Variants in PTH2R observed in about 807,000 individuals in gnomAD.
PTH2R encodes PTH2 receptor.
A neutral mutation model predicts 60.3 loss-of-function variants in PTH2R; 59 were observed. The ratio of observed to expected loss-of-function variants is 0.98; its 90% CI spans 0.79 to 1.22. The LOEUF is 1.22. PTH2R is among the 50% of genes most tolerant of loss of function. PTH2R has a pLI of 0.00. For synonymous variants in PTH2R, 256 were observed against 243.8 expected (o/e 1.05, Z -0.47); for missense variants, 749 against 682.6 (o/e 1.10, Z -1.08).
chr2:208,481,232 T>C, intron 10 of PTH2R, 68 bp downstream of exon 10: 1 of 1,194,344 alleles, frequency 8.4e-7, no homozygotes. Context: ...TTTTTTTTTT[T>C]TTTTGAGACA....
chr2:208,374,866 A>G (rs1457024595), intron 1 of PTH2R, among the ~76,000 whole-genome samples: 1 of 152,064 alleles, frequency 6.6e-6, no homozygotes, highest in African/African-American at 2.4e-5. Context: ...ATTCAATCAA[A>G]AAACATGCAT....
chr2:208,473,803 CA>C (rs1702936873), intron 9 of PTH2R, among the ~76,000 whole-genome samples: 1 of 152,074 alleles, frequency 6.6e-6, no homozygotes, highest in Non-Finnish European at 1.5e-5. Flanking sequence ...AGGTACCTTA[CA>C]ATCATTTAAA....
chr2:208,434,955 G>A (rs1327796345), intron 2 of PTH2R, among the ~76,000 whole-genome samples: 1 of 152,128 alleles, frequency 6.6e-6, no homozygotes, highest in Non-Finnish European at 1.5e-5. Flanking sequence ...GTAAAGCTCG[G>A]GCTTTTATTA....
At chr2:208,428,747 T>A (rs149683744) in intron 2 of PTH2R, among the ~76,000 whole-genome samples, 1 of 152,226 alleles carries the variant, frequency 6.6e-6, no homozygotes, top group Admixed American at 6.5e-5. Context: ...TTCTCAATTG[T>A]TTATGATCAG....
chr2:208,361,571 C>CAA (rs1700474372), intron 1 of PTH2R, among the ~76,000 whole-genome samples: 1 of 152,064 alleles, frequency 6.6e-6, no homozygotes, highest in Non-Finnish European at 1.5e-5. Flanking sequence ...TTTCATTTTG[C>CAA]AAAACTAAAT....
upstream of PTH2R, among the ~76,000 whole-genome samples, chr2:208,403,854 A>C (rs1325672909): frequency 6.6e-6 from 1 of 152,130 alleles, no homozygotes; most frequent in East Asian, 1.9e-4. Context: ...AGTTGCCTGC[A>C]CTGGGCTTCT....
At chr2:208,381,515 T>G (rs1206635510) in intron 1 of PTH2R, among the ~76,000 whole-genome samples, 1 of 152,078 alleles carries the variant, frequency 6.6e-6, no homozygotes, top group Non-Finnish European at 1.5e-5. Flanking sequence ...CTCAAACTCT[T>G]GGGCTTAAGT....
intron 1 of PTH2R, among the ~76,000 whole-genome samples, chr2:208,400,006 C>T (rs958455891): frequency 2.6e-5 from 4 of 152,138 alleles, no homozygotes; most frequent in African/African-American, 9.7e-5. Flanking sequence ...GGGCCTTACC[C>T]CTTCATTAAT....
intron 9 of PTH2R, among the ~76,000 whole-genome samples, chr2:208,479,398 C>G (rs900639037): frequency 2.6e-5 from 4 of 152,210 alleles, no homozygotes; most frequent in African/African-American, 9.7e-5. Context: ...TGCCCCACAG[C>G]TCTTCCAGCT....
At position 208,493,776 on chromosome 2, in the gene PTH2R, A is replaced by T; in HGVS notation, c.*117A>T. 1 of 1,218,056 alleles carries T rather than the reference A, an allele frequency of 8.2e-7. No homozygotes were observed. The highest frequency in any genetic ancestry group is 2.1e-5 in the South Asian group (1 of 48,246). The allele number at this position is 1,218,056 out of a possible 1,614,324, so 75.5% of individuals were successfully genotyped here. On this transcript the variant is annotated 3_prime_UTR_variant, in exon 13 of 13. Transcript: ENST00000272847. ...TGAAAATTCAGTTAAGGTGTTACTTAATAATAGTTTTTAGGCTCCATGAAT... is the reference window on the plus strand; with the variant it reads ...TGAAAATTCAGTTAAGGTGTTACTTTATAATAGTTTTTAGGCTCCATGAAT...
chr2:208,442,444 C>T lies in PTH2R; in HGVS notation c.492C>T (p.Leu164=), dbSNP rs1702204505. The T allele has an allele frequency of 1.9e-6, 3 of 1,608,960 alleles. No individual in the cohort carries two copies. Among genetic ancestry groups the T allele is most frequent in the African/African-American group, 1.3e-5 (1 of 74,888 alleles). Residue 164 remains leucine, a synonymous_variant, in exon 5 of 13, where the codon CTC becomes CTT. Coordinates refer to ENST00000272847, the MANE Select transcript of PTH2R (RefSeq NM_005048.4). ...ISFGSLAVAI[L]IIGYFRRLHC... ...TTGGTTCCTTGGCTGTGGCTATTCT[C>T]ATCATTGGTTACTTCAGGTGAGTGA...
chr2:208,444,346 G>A (rs1702246024), intron 6 of PTH2R, among the ~76,000 whole-genome samples: 1 of 152,154 alleles, frequency 6.6e-6, no homozygotes, highest in Non-Finnish European at 1.5e-5. Context: ...AGCTTGTTTT[G>A]CAGCAATAGC....
chr2:208,398,541 A>G (rs1233522820), intron 1 of PTH2R, among the ~76,000 whole-genome samples: 1 of 152,204 alleles, frequency 6.6e-6, no homozygotes, highest in Non-Finnish European at 1.5e-5. Flanking sequence ...AAAGACAATC[A>G]CGCTCTTGTG....
intron 9 of PTH2R, among the ~76,000 whole-genome samples, chr2:208,477,354 C>T (rs1304928839): frequency 6.6e-6 from 1 of 152,122 alleles, no homozygotes; most frequent in African/African-American, 2.4e-5. Flanking sequence ...AAGAAAACTC[C>T]AGGAACCAAG....
intron 7 of PTH2R, among the ~76,000 whole-genome samples, chr2:208,445,228 A>AT (rs1393474348): frequency 1.3e-5 from 2 of 152,088 alleles, no homozygotes; most frequent in Non-Finnish European, 2.9e-5. Flanking sequence ...TCATCTTAAA[A>AT]TTTTTTATTT....
chr2:208,368,590 G>T (rs562558000), intron 1 of PTH2R, among the ~76,000 whole-genome samples: 8 of 152,000 alleles, frequency 5.3e-5, no homozygotes, highest in African/African-American at 1.7e-4. Context: ...ATCTTTCAAA[G>T]CCTGGCCACC....
At chr2:208,362,093 ATCT>A (rs1347049167) in intron 1 of PTH2R, among the ~76,000 whole-genome samples, 1 of 152,200 alleles carries the variant, frequency 6.6e-6, no homozygotes. Context: ...TGGGACATCC[ATCT>A]TCTGCCATCA....
intron 1 of PTH2R, among the ~76,000 whole-genome samples, chr2:208,423,191 G>C (rs1434491690): frequency 3.3e-5 from 5 of 151,700 alleles, no homozygotes; most frequent in African/African-American, 1.2e-4. Flanking sequence ...TATTACTGAT[G>C]CAAAACTTTT....
intron 2 of PTH2R, among the ~76,000 whole-genome samples, chr2:208,429,759 A>T (rs548722251): frequency 6.6e-6 from 1 of 152,306 alleles, no homozygotes; most frequent in African/African-American, 2.4e-5. Context: ...GTACCCATTA[A>T]ATAACAACTC....
Sources: gnomAD v4.1 joint callset for allele counts (sites outside exome capture counted in the v4.1 genomes callset) on GRCh38, gnomAD v4.1.1 for gene constraint, MANE v1.5 for transcripts, NCBI Gene and HGNC (gene_info 2026-07-23, HGNC 2026-07-21) for gene names.